Variants in CRYBB1 observed in about 807,000 individuals in gnomAD.
CRYBB1 encodes the protein crystallin beta B1, also known as beta-crystallin B1.
CRYBB1 carries 16 observed loss-of-function variants against 29.5 expected under a neutral mutation model. That is an observed-to-expected ratio of 0.54 (90% CI 0.37 to 0.82). The LOEUF is 0.82. Ranked by LOEUF, CRYBB1 falls within the 40% of genes least tolerant of loss-of-function variation. CRYBB1 has a pLI of 0.00. For missense variants in CRYBB1, 300 were observed against 350.5 expected (o/e 0.86, Z 1.15); for synonymous variants, 127 against 136.7 (o/e 0.93, Z 0.49).
chr22:26,608,384 T>C (rs1398870186), intron 3 of CRYBB1, among the ~76,000 whole-genome samples: 1 of 152,110 alleles, frequency 6.6e-6, no homozygotes, highest in African/African-American at 2.4e-5. Flanking sequence ...AAGGAACACA[T>C]AGACATTTGA....
Position 26,616,188 on chromosome 22 carries a change from C to G in CRYBB1, c.132G>C (p.Val44=). Residue 44 remains valine (V), a synonymous_variant, in exon 2 of 6, where the codon GTG becomes GTC. Coordinates refer to ENST00000647684, the MANE Select transcript of CRYBB1 (RefSeq NM_001887.4). The stretch of plus-strand genomic sequence containing the variant: ...CCGCCGCCTTGGCGCTGGTAATAGG[C>G]ACGGTTGTTGGGGCCAGGGTAGTGC... ...SPGTTLAPTT[V]PITSAKAAEL... is the part of the protein sequence containing the mutation. 6.2e-7 allele frequency: 1 copy of G among 1,614,226 alleles called. No individual in the cohort carries two copies. The highest frequency in any genetic ancestry group is 8.5e-7 in the Non-Finnish European group (1 of 1,180,036).
chr22:26,602,206 G>C (rs149174347), intron 4 of CRYBB1, among the ~76,000 whole-genome samples, 185 bp from the exon 5 acceptor site: 2 of 152,114 alleles, frequency 1.3e-5, no homozygotes, highest in African/African-American at 2.4e-5. Flanking sequence ...CAACTCCCAC[G>C]TCATAGGGTC....
chr22:26,612,465 C>G (rs528352380), intron 2 of CRYBB1, among the ~76,000 whole-genome samples: 7 of 152,174 alleles, frequency 4.6e-5, no homozygotes, highest in Non-Finnish European at 1.0e-4. Flanking sequence ...CAGGCTCAAG[C>G]GATCCTCCCA....
intron 4 of CRYBB1, among the ~76,000 whole-genome samples, chr22:26,607,453 A>AG (rs1929012376): frequency 6.6e-6 from 1 of 150,954 alleles, no homozygotes. Flanking sequence ...GCACTTTAGG[A>AG]GGCCCAGGCG....
At chr22:26,612,573 G>T (rs562442829) in intron 2 of CRYBB1, among the ~76,000 whole-genome samples, 1 of 152,162 alleles carries the variant, frequency 6.6e-6, no homozygotes, top group African/African-American at 2.4e-5. Context: ...GGCTGGTCTC[G>T]AATTCCTGAG....
At position 26,600,798 on chromosome 22, in the gene CRYBB1, G is replaced by A. The variant is rs78298450; in HGVS notation, c.575+1081C>T. Among the ~76,000 whole-genome samples, 284 of 152,308 alleles carry A rather than the reference G, an allele frequency of 1.9e-3. 3 individuals carry two copies. The East Asian group carries it at 0.045, about 24-fold the overall frequency. On this transcript the variant is annotated intron_variant, in intron 5 of 5. Coordinates refer to ENST00000647684, the MANE Select transcript of CRYBB1 (RefSeq NM_001887.4). ...AAGCCTGGTTTAAGTTCCATCCTCT[G>A]CAGATAAACCTTTGACCTGCCCTCT...
At chr22:26,607,562 A>G (rs865982294) in intron 4 of CRYBB1, among the ~76,000 whole-genome samples, 4,621 of 79,994 alleles carry the variant, frequency 0.058, 120 homozygotes, top group East Asian at 0.13. Context: ...ATCTTTGGGA[A>G]AAAAAAAAAA....
Position 26,610,035 on chromosome 22 carries a change from G to A in CRYBB1, c.300-2014C>T, listed in dbSNP as rs1405344689. ...GGCTTCTGGAAAAACAGACACTGATGTGGTCTTGCCACCATGCCCAAGTCC... is the reference window on the plus strand; with the variant it reads ...GGCTTCTGGAAAAACAGACACTGATATGGTCTTGCCACCATGCCCAAGTCC... On this transcript the variant is annotated intron_variant, in intron 3 of 5. Transcript: ENST00000647684. 5.0e-5 allele frequency among the ~76,000 whole-genome samples: 5 copies of A among 99,502 alleles called. No individual in the cohort carries two copies. The East Asian group carries it at 1.2e-3, about 24-fold the overall frequency. 65.3% of individuals were successfully genotyped at this position (99,502 alleles called of 152,430 possible).
intron 4 of CRYBB1, among the ~76,000 whole-genome samples, chr22:26,605,096 C>T (rs190335997): frequency 2.6e-5 from 4 of 152,292 alleles, no homozygotes; most frequent in Admixed American, 2.0e-4. Context: ...CTGCTCTTCA[C>T]GTGGCTGAGT....
chr22:26,608,479 CAA>C (rs1291967633), intron 3 of CRYBB1, among the ~76,000 whole-genome samples: 3 of 152,000 alleles, frequency 2.0e-5, no homozygotes, highest in African/African-American at 2.4e-5. Context: ...TCTTTTGTAA[CAA>C]AGAGAGAAAA....
chr22:26,606,090 C>G (rs1345544855), intron 4 of CRYBB1, among the ~76,000 whole-genome samples: 1 of 152,174 alleles, frequency 6.6e-6, no homozygotes, highest in Non-Finnish European at 1.5e-5. Flanking sequence ...GACAATTCTT[C>G]CAGCGTGGGC....
At chr22:26,607,748 ATCCACGG>A (rs1929026824) in intron 4 of CRYBB1, 134 bp downstream of exon 4, 1 of 1,115,862 alleles carries the variant, frequency 9.0e-7, no homozygotes, top group African/African-American at 1.5e-5. Context: ...GAGCTCAAGA[ATCCACGG>A]TCCTTTGACA....
chr22:26,605,036 T>C (rs1928932794), intron 4 of CRYBB1, among the ~76,000 whole-genome samples: 1 of 152,160 alleles, frequency 6.6e-6, no homozygotes, highest in South Asian at 2.1e-4. Flanking sequence ...CACCAGTCCA[T>C]CGTTGCTCTA....
rs773298235 is a variant in CRYBB1, at chr22:26,616,122, G to A, written c.180+18C>T. The stretch of plus-strand genomic sequence containing the variant: ...AAAGAAGGCATGGCACCCAGCCACT[G>A]CACCCCCAGGTCCTTACCCTGTAGT... On this transcript the variant is annotated intron_variant, in intron 2 of 5. Coordinates refer to ENST00000647684, the MANE Select transcript of CRYBB1 (RefSeq NM_001887.4). 2.5e-6 allele frequency: 4 copies of A among 1,609,498 alleles called. No homozygotes were observed. The South Asian group carries it at 4.4e-5, about 18-fold the overall frequency.
intron 4 of CRYBB1, among the ~76,000 whole-genome samples, chr22:26,604,379 A>T (rs566206569): frequency 5.4e-4 from 82 of 152,368 alleles, no homozygotes; most frequent in African/African-American, 1.9e-3. Context: ...GGATGCTGTG[A>T]TTATCTACTG....
intron 4 of CRYBB1, among the ~76,000 whole-genome samples, chr22:26,605,751 A>AT (rs994493074): frequency 7.3e-4 from 61 of 83,106 alleles, no homozygotes; most frequent in African/African-American, 7.4e-4. Context: ...GGTCAGGTTT[A>AT]TTTTTTTTTT....
rs745570975 is a variant in CRYBB1 at position 26,599,642 on chromosome 22, C to T, written c.607G>A (p.Gly203Arg). The T allele has an allele frequency of 4.3e-6, 7 of 1,614,028 alleles. No homozygotes were observed. Among genetic ancestry groups the T allele is most frequent in the Admixed American group, 3.3e-5 (2 of 60,006 alleles). ...WVGYQYPGYRGYQYLLEPGDF... is the reference protein window; with the variant it reads ...WVGYQYPGYRRYQYLLEPGDF... ...CCAGGCTCTAGGAGGTACTGGTACC[C>T]GCGGTAGCCAGGATACTGATAGCCA... is the stretch of plus-strand genomic sequence containing the variant. Residue 203 changes from glycine (G) to arginine (R), a missense_variant, in exon 6 of 6, where the codon GGG (glycine) becomes AGG (arginine). Coordinates refer to ENST00000647684, the MANE Select transcript of CRYBB1 (RefSeq NM_001887.4).
chr22:26,616,619 C>T (rs1376188409), intron 1 of CRYBB1, among the ~76,000 whole-genome samples: 1 of 152,206 alleles, frequency 6.6e-6, no homozygotes, highest in Middle Eastern at 3.2e-3. Flanking sequence ...CCTTCCTTAG[C>T]CCCCTGCAAT....
chr22:26,616,859 A>G (rs1241043555), intron 1 of CRYBB1, among the ~76,000 whole-genome samples: 3 of 152,360 alleles, frequency 2.0e-5, no homozygotes, highest in East Asian at 3.9e-4. Flanking sequence ...CCAAACAGCT[A>G]CTAAGTGGTA....
Sources: allele counts gnomAD v4.1 joint callset (sites outside exome capture counted in the v4.1 genomes callset), GRCh38; gene constraint gnomAD v4.1.1; transcripts MANE v1.5; gene names NCBI Gene and HGNC (gene_info 2026-07-23, HGNC 2026-07-21).